ATG7: variants seen among roughly 807,000 people sequenced by gnomAD.
ATG7 encodes ubiquitin-like modifier-activating enzyme ATG7.
Under a neutral mutation model 82.4 loss-of-function variants are expected in ATG7, and 70 were observed. That is an observed-to-expected ratio of 0.85 (90% confidence interval 0.70 to 1.04). The LOEUF (loss-of-function observed/expected upper bound fraction) is 1.04, where lower values mean the gene tolerates loss of function less well. ATG7 is among the 50% of genes least tolerant of loss of function. ATG7 has a pLI of 0.00. For synonymous variants in ATG7, 287 were observed against 313.0 expected (o/e 0.92, Z 0.88); for missense variants, 792 against 864.3 (o/e 0.92, Z 1.05).
chr3:11,532,976 A>G (rs931526239), intron 20 of ATG7, among the ~76,000 whole-genome samples: 13 of 152,220 alleles, frequency 8.5e-5, no homozygotes, highest in African/African-American at 2.9e-4. Context: ...ACCGTGCCCC[A>G]GGATGCTAGC....
At position 11,311,479 on chromosome 3, in the gene ATG7, G is replaced by A. The variant is rs186988942; in HGVS notation, c.412-1825G>A. Among the ~76,000 whole-genome samples the A allele has an allele frequency of 5.2e-4, 79 of 151,988 alleles. 1 individual carries two copies. In the East Asian group the frequency reaches 9.5e-3, roughly 18 times the overall value. On this transcript the variant is annotated intron_variant, in intron 7 of 20. Coordinates refer to ENST00000693202, the MANE Select transcript of ATG7 (RefSeq NM_001349232.2). ...AAAAATTAGCTGTGCATGGCAGCCT[G>A]TAGTCCCAACTACTCGGGAGGCTGA...
intron 20 of ATG7, among the ~76,000 whole-genome samples, chr3:11,460,198 G>C (rs1248314325): frequency 1.3e-5 from 2 of 152,196 alleles, no homozygotes; most frequent in African/African-American, 4.8e-5. Context: ...GTGGCTTCTT[G>C]AATGTTAAAG....
chr3:11,279,747 T>A (rs1942660409), intron 1 of ATG7, among the ~76,000 whole-genome samples: 1 of 152,152 alleles, frequency 6.6e-6, no homozygotes, highest in Non-Finnish European at 1.5e-5. Flanking sequence ...CACCTTGGCT[T>A]AAGGGTTTCT....
intron 11 of ATG7, among the ~76,000 whole-genome samples, chr3:11,339,716 C>T (rs1211348597): frequency 6.6e-6 from 1 of 152,142 alleles, no homozygotes; most frequent in Non-Finnish European, 1.5e-5. Context: ...GCAGTGTTTC[C>T]CTGAATGTGT....
intron 19 of ATG7, among the ~76,000 whole-genome samples, chr3:11,419,467 T>C (rs983311083): frequency 6.6e-6 from 1 of 152,116 alleles, no homozygotes; most frequent in Non-Finnish European, 1.5e-5. Flanking sequence ...GGCAGGAGAA[T>C]TGCTTGAACC....
chr3:11,278,644 TTTTA>T (rs1942410783), intron 1 of ATG7, among the ~76,000 whole-genome samples: 1 of 152,178 alleles, frequency 6.6e-6, no homozygotes, highest in Non-Finnish European at 1.5e-5. Context: ...CTCATAGAAT[TTTTA>T]TTTATTCATT....
At chr3:11,544,502 C>T (rs1343728468) in intron 20 of ATG7, among the ~76,000 whole-genome samples, 1 of 152,234 alleles carries the variant, frequency 6.6e-6, no homozygotes, top group Non-Finnish European at 1.5e-5. Context: ...CCAGAGCCAA[C>T]CCACAGTGAG....
At chr3:11,574,783 A>ATATG in the ATG7 span, among the ~76,000 whole-genome samples, 5 of 111,782 alleles carry the variant, frequency 4.5e-5, no homozygotes, top group African/African-American at 1.6e-4. Flanking sequence ...ATTCAACTAT[A>ATATG]TATGTGTGTG....
chr3:11,309,584 A>G (rs949612549), intron 7 of ATG7, among the ~76,000 whole-genome samples: 3 of 152,082 alleles, frequency 2.0e-5, no homozygotes, highest in Non-Finnish European at 2.9e-5. Flanking sequence ...AAGAAGGGGT[A>G]GGATGTAGAT....
chr3:11,352,654 G>A (rs896205704), intron 14 of ATG7, among the ~76,000 whole-genome samples: 1 of 152,194 alleles, frequency 6.6e-6, no homozygotes, highest in African/African-American at 2.4e-5. Flanking sequence ...CTTGACCTAA[G>A]TAAACAAGAC....
intron 20 of ATG7, among the ~76,000 whole-genome samples, chr3:11,430,414 T>C (rs1377053108): frequency 1.3e-5 from 2 of 152,164 alleles, no homozygotes; most frequent in Non-Finnish European, 2.9e-5. Context: ...AGGTGGTCAG[T>C]AATAAAAACA....
At chr3:11,310,441 C>T (rs1203084849) in intron 7 of ATG7, among the ~76,000 whole-genome samples, 12 of 152,058 alleles carry the variant, frequency 7.9e-5, no homozygotes, top group Admixed American at 7.9e-4. Context: ...GATTTATTGC[C>T]CAAGGCAAAG....
At chr3:11,431,426 T>C (rs1333610245) in intron 20 of ATG7, among the ~76,000 whole-genome samples, 2 of 152,182 alleles carry the variant, frequency 1.3e-5, no homozygotes, top group Non-Finnish European at 2.9e-5. Flanking sequence ...CACACCTTTT[T>C]AAAGTGTGCA....
intron 14 of ATG7, among the ~76,000 whole-genome samples, chr3:11,350,177 G>A (rs1367337038): frequency 6.6e-6 from 1 of 152,122 alleles, no homozygotes; most frequent in Non-Finnish European, 1.5e-5. Flanking sequence ...TAATGTTTTT[G>A]TCCATTTCAC....
chr3:11,331,306 C>G (rs781226412), intron 9 of ATG7, 34 bp from the exon 10 acceptor site: 59 of 1,504,508 alleles, frequency 3.9e-5, no homozygotes, highest in South Asian at 9.0e-5. Flanking sequence ...TGACATGATA[C>G]TCGACTTACT....
chr3:11,360,544 C>G, intron 15 of ATG7, 37 bp from the exon 16 acceptor site: 3 of 1,591,638 alleles, frequency 1.9e-6, no homozygotes, highest in Non-Finnish European at 2.6e-6. Flanking sequence ...ATATATGTGT[C>G]TTTTAACTCT....
At chr3:11,306,910 G>A (rs937553357) in intron 5 of ATG7, 33 bp from the exon 6 acceptor site, 5 of 1,572,344 alleles carry the variant, frequency 3.2e-6, no homozygotes, top group Non-Finnish European at 4.4e-6. Flanking sequence ...AGTCCCAGCT[G>A]TGCCTGACTA....
chr3:11,322,147 A>T (rs566124530), intron 9 of ATG7, among the ~76,000 whole-genome samples: 4 of 152,354 alleles, frequency 2.6e-5, no homozygotes, highest in Non-Finnish European at 5.9e-5. Context: ...TTAATGCTGG[A>T]GTTCTTTGTC....
intron 19 of ATG7, among the ~76,000 whole-genome samples, chr3:11,381,075 T>C (rs1175722218): frequency 6.6e-6 from 1 of 152,256 alleles, no homozygotes; most frequent in Non-Finnish European, 1.5e-5. Flanking sequence ...CTAATTATTT[T>C]CTTTTTGCTT....
Sources: allele counts gnomAD v4.1 joint callset (sites outside exome capture counted in the v4.1 genomes callset), GRCh38; gene constraint gnomAD v4.1.1; transcripts MANE v1.5; gene names NCBI Gene and HGNC (gene_info 2026-07-23, HGNC 2026-07-21).